USP8: variants seen among roughly 807,000 people sequenced by gnomAD.
The protein encoded by USP8 is ubiquitin carboxyl-terminal hydrolase 8.
Under a neutral mutation model 130.0 loss-of-function variants are expected in USP8, and 27 were observed. That is an observed-to-expected ratio of 0.21 (90% CI 0.15 to 0.29). The LOEUF is 0.29. USP8 is among the 10% of genes least tolerant of loss of function. The pLI, the probability that USP8 is intolerant of heterozygous loss-of-function variation, is 1.00. For missense variants in USP8, 1,029 were observed against 1,312.2 expected (o/e 0.78, Z 3.33); for synonymous variants, 392 against 444.1 (o/e 0.88, Z 1.48).
chr15:50,436,048 A>G (rs186802526), intron 1 of USP8, among the ~76,000 whole-genome samples: 4 of 151,628 alleles, frequency 2.6e-5, no homozygotes, highest in Non-Finnish European at 4.4e-5. Context: ...TGTTTTCCCT[A>G]TCTAGTTTGT....
chr15:50,489,337 T>TA (rs2052074912), intron 12 of USP8, among the ~76,000 whole-genome samples: 1 of 152,254 alleles, frequency 6.6e-6, no homozygotes, highest in South Asian at 2.1e-4. Context: ...ATTCTCTACT[T>TA]ACACCTCTTA....
At chr15:50,498,542 G>T in intron 18 of USP8, 54 bp from the exon 19 acceptor site, 3 of 1,520,360 alleles carry the variant, frequency 2.0e-6, no homozygotes, top group Middle Eastern at 2.5e-4. Flanking sequence ...AATGAATGAG[G>T]ATTCATCCTG....
At chr15:50,467,170 C>T (rs897664883) in intron 7 of USP8, 1 of 205,828 alleles carries the variant, frequency 4.9e-6, no homozygotes, top group African/African-American at 2.3e-5. Flanking sequence ...TCTAATTAAA[C>T]ATGTGAATAT....
At chr15:50,492,606 G>A in intron 14 of USP8, 95 bp from the exon 15 acceptor site, 13 of 1,220,528 alleles carry the variant, frequency 1.1e-5, no homozygotes, top group Admixed American at 2.3e-5. Flanking sequence ...GATGCCTGTG[G>A]TACAGGTGCT....
At position 50,503,264 on chromosome 15, in the gene USP8, G is replaced by C. The variant is rs2052615626; in HGVS notation, c.*4176G>C. 6.6e-6 allele frequency: 1 copy of C among 152,410 alleles called. No homozygotes were observed. The highest frequency in any genetic ancestry group is 2.4e-5 in the African/African-American group (1 of 41,468). 9.4% of individuals were successfully genotyped at this position (152,410 alleles called of 1,614,324 possible). ...TTGGGAGGCTGAGGCAGAATCATTT[G>C]AACCTGGGAGATGGAGGTTGCAGTG... is the stretch of plus-strand genomic sequence containing the variant. On this transcript the variant is annotated 3_prime_UTR_variant, in exon 20 of 20. Transcript: ENST00000307179.
Position 50,466,799 on chromosome 15 carries a change from C to T in USP8, c.686+1608C>T, listed in dbSNP as rs11857357. 1.8e-3 allele frequency: 476 copies of T among 257,580 alleles called. 1 individual carries two copies. The highest frequency in any genetic ancestry group is 3.1e-3 in the Non-Finnish European group (390 of 126,876). 16.0% of individuals were successfully genotyped at this position (257,580 alleles called of 1,614,324 possible). A position where few individuals can be genotyped will look rare whatever the true frequency, so the allele number is the denominator to read the frequency against. ...GCCGGAGATAGCAATTCACTGAATT[C>T]GAATCACTCTCTATGAGCCACAGCA... On this transcript the variant is annotated intron_variant, in intron 7 of 19. Transcript: ENST00000307179.
intron 4 of USP8, among the ~76,000 whole-genome samples, chr15:50,454,378 G>A (rs984369121): frequency 6.6e-6 from 1 of 151,876 alleles, no homozygotes; most frequent in African/African-American, 2.4e-5. Context: ...GAATCCCTAA[G>A]GATTTGTTCT....
intron 3 of USP8, among the ~76,000 whole-genome samples, chr15:50,445,647 C>G (rs1388150118): frequency 7.2e-6 from 1 of 139,054 alleles, no homozygotes; most frequent in African/African-American, 2.7e-5. Flanking sequence ...GTCAGGAGTT[C>G]AAGACCAGCC....
At chr15:50,426,588 A>C (rs2049734739) in intron 1 of USP8, among the ~76,000 whole-genome samples, 2 of 152,290 alleles carry the variant, frequency 1.3e-5, no homozygotes, top group African/African-American at 4.8e-5. Flanking sequence ...AAGGCGTTTG[A>C]TGTTGGCTAG....
chr15:50,477,401 C>A lies in USP8; in HGVS notation c.1120C>A (p.Pro374Thr), dbSNP rs1359249352. The change falls in exon 10 of 20, where the codon CCA becomes ACA. Residue 374 changes from proline (P) to threonine (T), a missense_variant. Physicochemically the swap from Pro to Thr is conservative, Grantham distance 38 (BLOSUM62 -1). Transcript: ENST00000307179. ...AAGTGGTCAAAATGAGAGAATGGGA[C>A]CACTGAATATATCAACTCCAGTTGA... ...LISGQNERMG[P>T]LNISTPVEPV... 3.1e-6 allele frequency: 5 copies of A among 1,614,092 alleles called. No individual in the cohort carries two copies. The Admixed American group carries it at 8.3e-5, about 27-fold the overall frequency.
rs2052767272 is a variant in USP8 at position 50,513,546 on chromosome 15, G to GAAAAA, written c.*14460_*14461insAAAAA. 1 of 134,316 alleles carries GAAAAA rather than the reference G, an allele frequency of 7.4e-6. No homozygotes were observed. Among genetic ancestry groups the GAAAAA allele is most frequent in the African/African-American group, 2.7e-5 (1 of 36,370 alleles). 8.3% of individuals were successfully genotyped at this position (134,316 alleles called of 1,614,324 possible). On this transcript the variant is annotated 3_prime_UTR_variant, in exon 20 of 20. Coordinates refer to ENST00000307179, the MANE Select transcript of USP8 (RefSeq NM_005154.5). ...AAAAAAAAAAAAAAAAAAGAGTGAA[G>GAAAAA]AATCAAGCCACAGAAGGTAATTTAA...
At chr15:50,493,081 G>C (rs1467552352) in intron 15 of USP8, 168 bp downstream of exon 15, 7 of 763,700 alleles carry the variant, frequency 9.2e-6, no homozygotes, top group Non-Finnish European at 1.6e-5. Flanking sequence ...GAAGGCCATC[G>C]TCTAGGTGCC....
intron 7 of USP8, among the ~76,000 whole-genome samples, chr15:50,466,051 T>C (rs1411705241): frequency 6.6e-6 from 1 of 152,154 alleles, no homozygotes; most frequent in Non-Finnish European, 1.5e-5. Flanking sequence ...ATGAAATAAT[T>C]TAAAGTGACT....
intron 11 of USP8, among the ~76,000 whole-genome samples, chr15:50,483,257 A>G (rs1276161070): frequency 6.6e-6 from 1 of 152,210 alleles, no homozygotes; most frequent in African/African-American, 2.4e-5. Context: ...CTTCTTTTCC[A>G]TCTTGCTATA....
At chr15:50,496,193 A>G (rs1037968865) in intron 17 of USP8, 109 bp downstream of exon 17, 2 of 961,898 alleles carry the variant, frequency 2.1e-6, no homozygotes, top group Non-Finnish European at 3.0e-6. Flanking sequence ...TTTATCAGTA[A>G]AACTCGGCCG....
Position 50,502,968 on chromosome 15 carries a change from GTTAT to G in USP8, c.*3886_*3889del, listed in dbSNP as rs1318619286. On this transcript the variant is annotated 3_prime_UTR_variant, in exon 20 of 20. Transcript: ENST00000307179. ...ATGTATTGAGGGCTAGTACACAGGA[GTTAT>G]TTATTCAATATTCCCTTCAACCTTC... 1 of 152,320 alleles carries G rather than the reference GTTAT, an allele frequency of 6.6e-6. No homozygotes were observed. Among genetic ancestry groups the G allele is most frequent in the East Asian group, 1.9e-4 (1 of 5,188 alleles). 9.4% of individuals were successfully genotyped at this position (152,320 alleles called of 1,614,324 possible).
rs1244153234 is a variant in USP8, at chr15:50,499,169, C to T, written c.*81C>T. 2 of 1,374,184 alleles carry T rather than the reference C, an allele frequency of 1.5e-6. No homozygotes were observed. Among genetic ancestry groups the T allele is most frequent in the African/African-American group, 2.9e-5 (2 of 68,726 alleles). The allele number at this position is 1,374,184 out of a possible 1,614,324, so 85.1% of individuals were successfully genotyped here. On this transcript the variant is annotated 3_prime_UTR_variant, in exon 20 of 20. Coordinates refer to ENST00000307179, the MANE Select transcript of USP8 (RefSeq NM_005154.5). ...GAAATGCTTATCAGGATAATGGTAGCTATAGCTGGCCATTTAGAGGAATTC... is the reference window on the plus strand; with the variant it reads ...GAAATGCTTATCAGGATAATGGTAGTTATAGCTGGCCATTTAGAGGAATTC...
Position 50,508,736 on chromosome 15 carries a change from GC to G in USP8, c.*9650del. The G allele has an allele frequency of 6.6e-6, 1 of 152,236 alleles. No individual in the cohort carries two copies. The highest frequency in any genetic ancestry group is 1.5e-5 in the Non-Finnish European group (1 of 68,022). 9.4% of individuals were successfully genotyped at this position (152,236 alleles called of 1,614,324 possible). A position where few individuals can be genotyped will look rare whatever the true frequency, so the allele number is the denominator to read the frequency against. ...ATGTTAGCCTGCCACAGTGGTTCAT[GC>G]CTATAATCCCTGCACTTTGGGAGGC... is the stretch of plus-strand genomic sequence containing the variant. On this transcript the variant is annotated 3_prime_UTR_variant, in exon 20 of 20. Coordinates refer to ENST00000307179, the MANE Select transcript of USP8 (RefSeq NM_005154.5).
At chr15:50,432,926 A>G (rs2049975936) in intron 1 of USP8, among the ~76,000 whole-genome samples, 2 of 152,180 alleles carry the variant, frequency 1.3e-5, no homozygotes, top group Admixed American at 1.3e-4. Context: ...AGCCTTCTTA[A>G]TACTTGAGGA....
Sources: gnomAD v4.1 joint callset for allele counts (sites outside exome capture counted in the v4.1 genomes callset) on GRCh38, gnomAD v4.1.1 for gene constraint, MANE v1.5 for transcripts, NCBI Gene and HGNC (gene_info 2026-07-23, HGNC 2026-07-21) for gene names.